JPH3: variants seen among roughly 807,000 people sequenced by gnomAD.
JPH3 encodes the protein junctophilin 3.
JPH3 carries 11 observed loss-of-function variants against 59.6 expected under a neutral mutation model. The observed-to-expected ratio is 0.18, with a 90% CI of 0.12 to 0.31. The LOEUF (loss-of-function observed/expected upper bound fraction) is 0.31. JPH3 is among the 10% of genes least tolerant of loss of function. The probability of loss-of-function intolerance (pLI) is 1.00; values close to 1 mark genes in which losing one functional copy is unlikely to be tolerated. For synonymous variants in JPH3, 673 were observed against 483.6 expected, an observed-to-expected ratio of 1.39 and a Z score of -5.14; for missense variants, 1,202 against 1,105.7, an observed-to-expected ratio of 1.09 and a Z score of -1.24.
intron 2 of JPH3, among the ~76,000 whole-genome samples, chr16:87,658,016 C>G (rs1190376759): frequency 6.6e-6 from 1 of 152,174 alleles, no homozygotes; most frequent in Non-Finnish European, 1.5e-5. Context: ...CAAAGACTTC[C>G]TGGGTGTGGA....
At chr16:87,626,464 G>GT (rs112487370) in intron 1 of JPH3, among the ~76,000 whole-genome samples, 1 of 152,228 alleles carries the variant, frequency 6.6e-6, no homozygotes, top group African/African-American at 2.4e-5. Flanking sequence ...ACCGAGGCCT[G>GT]TGAGGTTTCA....
chr16:87,654,183 C>A (rs1304688594), intron 2 of JPH3: 2 of 152,354 alleles, frequency 1.3e-5, no homozygotes, highest in Non-Finnish European at 2.9e-5. Flanking sequence ...GGTCCCTCTG[C>A]TGGCAATGCC....
At chr16:87,658,753 C>T (rs2032596077) in intron 2 of JPH3, among the ~76,000 whole-genome samples, 1 of 152,238 alleles carries the variant, frequency 6.6e-6, no homozygotes, top group Non-Finnish European at 1.5e-5. Flanking sequence ...TCCTAAGCCC[C>T]TCTCTCCTCC....
intron 1 of JPH3, among the ~76,000 whole-genome samples, chr16:87,638,198 C>T (rs1312481151): frequency 6.6e-6 from 1 of 152,184 alleles, no homozygotes; most frequent in Admixed American, 6.5e-5. Context: ...AGATTATAGG[C>T]ATGAGCCACC....
At chr16:87,660,770 ACCT>A (rs2032674964) in intron 2 of JPH3, among the ~76,000 whole-genome samples, 1 of 151,998 alleles carries the variant, frequency 6.6e-6, no homozygotes, top group Non-Finnish European at 1.5e-5. Context: ...AGGAGGGGGC[ACCT>A]CCTCTTGGGC....
intron 4 of JPH3, chr16:87,695,118 C>G (rs1016787999): frequency 1.9e-4 from 67 of 359,716 alleles, no homozygotes; most frequent in African/African-American, 1.4e-3. Context: ...CTCTTCCAGT[C>G]TCTGGGAGAG....
At chr16:87,637,623 C>T (rs1364671184) in intron 1 of JPH3, among the ~76,000 whole-genome samples, 1 of 152,038 alleles carries the variant, frequency 6.6e-6, no homozygotes, top group Non-Finnish European at 1.5e-5. Context: ...ACTCACAGGC[C>T]CTTCTGCTCT....
intron 1 of JPH3, among the ~76,000 whole-genome samples, chr16:87,609,620 C>T (rs1441196487): frequency 6.6e-6 from 1 of 152,194 alleles, no homozygotes; most frequent in Non-Finnish European, 1.5e-5. Context: ...AGGTGTATTC[C>T]TGCCATAGGA....
At chr16:87,690,861 T>G (rs2033551690) in intron 4 of JPH3, among the ~76,000 whole-genome samples, 1 of 152,192 alleles carries the variant, frequency 6.6e-6, no homozygotes, top group Non-Finnish European at 1.5e-5. Flanking sequence ...GTGCCCCTGG[T>G]CAGTAGCCTT....
intron 2 of JPH3, among the ~76,000 whole-genome samples, chr16:87,652,589 G>T (rs1001331140): frequency 6.6e-6 from 1 of 152,214 alleles, no homozygotes; most frequent in Admixed American, 6.5e-5. Flanking sequence ...TCCGCCTTCC[G>T]AGTAGCGTGT....
intron 2 of JPH3, among the ~76,000 whole-genome samples, chr16:87,682,752 GA>G (rs1327094807): frequency 7.2e-5 from 11 of 152,228 alleles, no homozygotes; most frequent in African/African-American, 2.7e-4. Context: ...AGTCTGCTCG[GA>G]GGGGGGATTT....
chr16:87,621,624 G>T (rs35668510), intron 1 of JPH3, among the ~76,000 whole-genome samples: 1 of 152,066 alleles, frequency 6.6e-6, no homozygotes, highest in Non-Finnish European at 1.5e-5. Context: ...TGTCTCAGAC[G>T]GTGGATGCAG....
chr16:87,689,119 G>A (rs1429978448), intron 3 of JPH3, among the ~76,000 whole-genome samples: 2 of 152,140 alleles, frequency 1.3e-5, no homozygotes, highest in African/African-American at 2.4e-5. Context: ...AAGGTGGGGA[G>A]GGAAGTCGGC....
chr16:87,662,271 G>A (rs1421925791), intron 2 of JPH3, among the ~76,000 whole-genome samples: 5 of 152,172 alleles, frequency 3.3e-5, no homozygotes, highest in African/African-American at 7.2e-5. Flanking sequence ...GGGGAGGTGA[G>A]TGTGAGGAAC....
intron 1 of JPH3, among the ~76,000 whole-genome samples, chr16:87,629,444 T>C (rs2150834298): frequency 6.6e-6 from 1 of 151,488 alleles, no homozygotes; most frequent in East Asian, 1.9e-4. Context: ...TTAATTTGGA[T>C]GTGAAAAAGA....
Position 87,644,283 on chromosome 16 carries a change from T to G in JPH3, c.408T>G (p.Gly136=), listed in dbSNP as rs780771696. The G allele has an allele frequency of 1.1e-5, 18 of 1,610,852 alleles. No homozygotes were observed. The highest frequency in any genetic ancestry group is 1.3e-5 in the Non-Finnish European group (15 of 1,178,958). ...GGACCTACCAGGGCCAGTGGGTCGGTGGCATGCGCCAGGGCTACGGCGTCC... is the reference window on the plus strand; with the variant it reads ...GGACCTACCAGGGCCAGTGGGTCGGGGGCATGCGCCAGGGCTACGGCGTCC... ...DGGTYQGQWV[G]GMRQGYGVRQ... The change falls in exon 2 of 5, where the codon GGT becomes GGG. Residue 136 remains glycine, a synonymous_variant. Transcript: ENST00000284262.
At chr16:87,696,036 A>C (rs990613977) in intron 4 of JPH3, 5 of 455,794 alleles carry the variant, frequency 1.1e-5, no homozygotes, top group Non-Finnish European at 1.8e-5. Flanking sequence ...AGTTGGCGTG[A>C]GGGGTTTGTT....
At chr16:87,648,758 G>A (rs1446295936) in intron 2 of JPH3, among the ~76,000 whole-genome samples, 1 of 152,210 alleles carries the variant, frequency 6.6e-6, no homozygotes, top group African/African-American at 2.4e-5. Context: ...TGACATCATT[G>A]TTTGGGATGC....
At chr16:87,677,135 G>A (rs1302297834) in intron 2 of JPH3, among the ~76,000 whole-genome samples, 3 of 149,490 alleles carry the variant, frequency 2.0e-5, no homozygotes, top group Admixed American at 6.7e-5. Context: ...ATCCAGCCTA[G>A]GCGACAGAGT....
Sources: gnomAD v4.1 joint callset for allele counts (sites outside exome capture counted in the v4.1 genomes callset) on GRCh38, gnomAD v4.1.1 for gene constraint, MANE v1.5 for transcripts, NCBI Gene and HGNC (gene_info 2026-07-23, HGNC 2026-07-21) for gene names.